BST1: variants seen among roughly 807,000 people sequenced by gnomAD.
The protein encoded by BST1 is ADP-ribosyl cyclase/cyclic ADP-ribose hydrolase 2.
A neutral mutation model predicts 40.6 loss-of-function variants in BST1; 49 were observed. That is an observed-to-expected ratio of 1.21 (90% CI 0.96 to 1.53). The LOEUF (loss-of-function observed/expected upper bound fraction) is 1.53. Among genes scored for constraint, BST1 ranks in the 40% most tolerant of loss-of-function variants. The probability of loss-of-function intolerance (pLI) is 0.00; values close to 1 mark genes in which losing one functional copy is unlikely to be tolerated. For synonymous variants in BST1, 157 were observed against 159.3 expected, an observed-to-expected ratio of 0.99 and a Z score of 0.11; for missense variants, 423 against 395.9, an observed-to-expected ratio of 1.07 and a Z score of -0.58.
In BST1 at chr4:15,718,929, A is replaced by G. The variant is rs748864788; in HGVS notation, c.727A>G (p.Met243Val). The G allele has an allele frequency of 8.1e-6, 13 of 1,614,044 alleles. No homozygotes were observed. The East Asian group carries it at 1.1e-4, about 14-fold the overall frequency. Residue 243 changes from methionine to valine, a missense_variant, in exon 7 of 9, where the codon ATG (methionine) becomes GTG (valine). Met to Val is a conservative substitution (Grantham distance 21, BLOSUM62 1). Transcript: ENST00000265016. ...PNVESCGEGS[M>V]KVLEKRLKDM... ...TAGGGAATCCTGCGGGGAAGGCAGC[A>G]TGAAAGTCCTGGAAAAGAGGCTGAA...
downstream of BST1, among the ~76,000 whole-genome samples, chr4:15,742,856 G>A (rs1044818984): frequency 2.6e-5 from 4 of 152,236 alleles, no homozygotes; most frequent in Non-Finnish European, 5.9e-5. Flanking sequence ...GACAGAAGGA[G>A]GTTGAGATAT....
At chr4:15,738,078 A>G in exon 7 of BST1, 1 of 248,210 alleles carries the variant, frequency 4.0e-6, no homozygotes, top group Non-Finnish European at 8.3e-6. Flanking sequence ...AGAAGGTACA[A>G]CACCAAGGGT....
chr4:15,707,688 A>G, intron 3 of BST1, 42 bp downstream of exon 3: 3 of 1,607,442 alleles, frequency 1.9e-6, no homozygotes, highest in Non-Finnish European at 2.6e-6. Context: ...AAGAACTCCT[A>G]TTTACTATGC....
chr4:15,708,270 GA>G (rs1720004604), intron 3 of BST1, among the ~76,000 whole-genome samples: 1 of 152,146 alleles, frequency 6.6e-6, no homozygotes, highest in African/African-American at 2.4e-5. Context: ...AAGTCACAAG[GA>G]AAGTTAGAGT....
chr4:15,717,120 C>G (rs930404651), intron 6 of BST1, among the ~76,000 whole-genome samples: 1 of 152,100 alleles, frequency 6.6e-6, no homozygotes, highest in Non-Finnish European at 1.5e-5. Flanking sequence ...ATCTCTGTGT[C>G]CAGGTGTCCT....
Position 15,718,887 on chromosome 4 carries a change from T to C in BST1, c.705-20T>C. 1 of 1,604,480 alleles carries C rather than the reference T, an allele frequency of 6.2e-7. No individual in the cohort carries two copies. Among genetic ancestry groups the C allele is most frequent in the South Asian group, 1.1e-5 (1 of 90,022 alleles). ...TCCTCTTATTTGCTTACTTTTTAAT[T>C]ATATATTTTCATGTTTTAGGGAATC... On this transcript the variant is annotated intron_variant, in intron 6 of 8. Coordinates refer to ENST00000265016, the MANE Select transcript of BST1 (RefSeq NM_004334.3).
At position 15,731,923 on chromosome 4, in the gene BST1, C is replaced by A; in HGVS notation, c.*78C>A. The A allele has an allele frequency of 6.7e-7, 1 of 1,483,256 alleles. No homozygotes were observed. Among genetic ancestry groups the A allele is most frequent in the Non-Finnish European group, 9.0e-7 (1 of 1,112,864 alleles). The allele number at this position is 1,483,256 out of a possible 1,614,324, so 91.9% of individuals were successfully genotyped here. A position where few individuals can be genotyped will look rare whatever the true frequency, so the allele number is the denominator to read the frequency against. On this transcript the variant is annotated 3_prime_UTR_variant, in exon 9 of 9. Transcript: ENST00000265016. ...GTCATCATTCGTGTTCTGTGTATAC[C>A]AAATGATTCTGTTATCTAAAGAAGC...
rs889813777 is a variant in BST1 at position 15,715,787 on chromosome 4, G to A, written c.692G>A (p.Gly231Glu). 6.3e-7 allele frequency: 1 copy of A among 1,588,462 alleles called. No homozygotes were observed. Among genetic ancestry groups the A allele is most frequent in the Non-Finnish European group, 8.5e-7 (1 of 1,170,490 alleles). The change falls in exon 6 of 9, where the codon GGG becomes GAG. Residue 231 changes from glycine to glutamate, a missense_variant. Gly to Glu is a moderately conservative substitution (Grantham distance 98). Transcript: ENST00000265016. The stretch of plus-strand genomic sequence containing the variant: ...GAGATCTGGGTTATGCATGAAATTG[G>A]GGGACCCAATGTGTAAGTTATGGTG... ...RIEIWVMHEI[G>E]GPNVESCGEG...
the BST1 span, among the ~76,000 whole-genome samples, chr4:15,753,067 T>C: frequency 6.6e-6 from 1 of 151,994 alleles, no homozygotes. Context: ...GAAATATAAA[T>C]ATAAATCACT....
intron 6 of BST1, among the ~76,000 whole-genome samples, chr4:15,716,538 CT>C (rs1720525271): frequency 1.3e-5 from 2 of 152,144 alleles, no homozygotes; most frequent in African/African-American, 4.8e-5. Flanking sequence ...TTTAGGAGAA[CT>C]TCAGTGAATT....
chr4:15,743,733 C>G, the BST1 span, among the ~76,000 whole-genome samples: 1 of 152,192 alleles, frequency 6.6e-6, no homozygotes, highest in Admixed American at 6.5e-5. Flanking sequence ...CCTCTTGTAT[C>G]CCAACTCTGA....
intron 8 of BST1, among the ~76,000 whole-genome samples, chr4:15,727,456 C>A (rs1721175115): frequency 6.6e-6 from 1 of 152,202 alleles, no homozygotes. Context: ...ATTTTTTAAA[C>A]ATTCTAGCTG....
Position 15,705,559 on chromosome 4 carries a change from T to C in BST1, c.233T>C (p.Leu78Pro). Residue 78 changes from leucine (L) to proline (P), a missense_variant, in exon 2 of 9, where the codon CTG becomes CCG. Physicochemically the swap from Leu to Pro is moderately conservative, Grantham distance 98. Coordinates refer to ENST00000265016, the MANE Select transcript of BST1 (RefSeq NM_004334.3). ...ATCTGGGAAGCCTTTAAAGTGGCGCTGGACAAGGATCCCTGCTCCGTGCTG... is the reference window on the plus strand; with the variant it reads ...ATCTGGGAAGCCTTTAAAGTGGCGCCGGACAAGGATCCCTGCTCCGTGCTG... ...TAIWEAFKVA[L>P]DKDPCSVLPS... 2 of 1,608,680 alleles carry C rather than the reference T, an allele frequency of 1.2e-6. No homozygotes were observed. Among genetic ancestry groups the C allele is most frequent in the Admixed American group, 1.7e-5 (1 of 58,842 alleles).
At chr4:15,706,115 A>G (rs1158338710) in intron 2 of BST1, among the ~76,000 whole-genome samples, 1 of 151,958 alleles carries the variant, frequency 6.6e-6, no homozygotes, top group East Asian at 1.9e-4. Context: ...TAATCCAATC[A>G]CCTCACACCA....
chr4:15,703,725 TG>T (rs1419378488), intron 1 of BST1, among the ~76,000 whole-genome samples: 1 of 131,770 alleles, frequency 7.6e-6, no homozygotes, highest in Non-Finnish European at 1.6e-5. Flanking sequence ...GGGGTGTGTG[TG>T]TGTGTGTGTG....
Position 15,717,304 on chromosome 4 carries a change from C to T in BST1, c.704+1505C>T, listed in dbSNP as rs531387265. ...ACTTCTGTAAAAATTTCCAATTGCT[C>T]ATTTCCTCCCTGTACACTCCCCCTC... On this transcript the variant is annotated intron_variant, in intron 6 of 8. Transcript: ENST00000265016. Among the ~76,000 whole-genome samples the T allele has an allele frequency of 2.6e-5, 4 of 152,294 alleles. No individual in the cohort carries two copies. The East Asian group carries it at 5.8e-4, about 22-fold the overall frequency.
At chr4:15,725,341 T>C (rs1430346562) in intron 8 of BST1, among the ~76,000 whole-genome samples, 1 of 152,190 alleles carries the variant, frequency 6.6e-6, no homozygotes, top group Non-Finnish European at 1.5e-5. Context: ...CTCCAGCATG[T>C]ATTCTAGGAG....
intron 4 of BST1, 141 bp from the exon 5 acceptor site, chr4:15,715,144 C>A: frequency 1.4e-6 from 1 of 705,142 alleles, no homozygotes; most frequent in Non-Finnish European, 2.3e-6. Flanking sequence ...AACCAGTTTG[C>A]ATTTCTACTA....
chr4:15,727,562 A>G (rs994631735), intron 8 of BST1, among the ~76,000 whole-genome samples: 2 of 152,214 alleles, frequency 1.3e-5, no homozygotes, highest in African/African-American at 4.8e-5. Flanking sequence ...CAAATTCAAC[A>G]AGGTGTCATT....
Sources: allele counts gnomAD v4.1 joint callset (sites outside exome capture counted in the v4.1 genomes callset), GRCh38; gene constraint gnomAD v4.1.1; transcripts MANE v1.5; gene names NCBI Gene and HGNC (gene_info 2026-07-23, HGNC 2026-07-21).